The following PRKN variants were observed in gnomAD, a reference collection of about 807,000 sequenced individuals.
The protein encoded by PRKN is E3 ubiquitin-protein ligase parkin.
PRKN carries 56 observed loss-of-function variants against 59.5 expected under a neutral mutation model. The observed-to-expected ratio is 0.94, with a 90% CI of 0.76 to 1.18. The LOEUF is 1.18. Among genes scored for constraint, PRKN ranks in the 50% most tolerant of loss-of-function variants. The probability of loss-of-function intolerance (pLI) is 0.00; values close to 1 mark genes in which losing one functional copy is unlikely to be tolerated. For missense variants in PRKN, 657 were observed against 596.4 expected (o/e 1.10, Z -1.06); for synonymous variants, 250 against 222.1 (o/e 1.13, Z -1.12).
rs555704276 is a variant in PRKN, at chr6:161,715,545, G to A, written c.871+70227C>T. Among the ~76,000 whole-genome samples, 9 of 152,294 alleles carry A rather than the reference G, an allele frequency of 5.9e-5. No homozygotes were observed. The East Asian group carries it at 9.6e-4, about 16-fold the overall frequency. Reference sequence around the variant, plus strand: ...CATGATAGTTTTATGTTCATTTAAAGATGTGTCCTCCTAACAGCTTTTATA... The same window carrying A: ...CATGATAGTTTTATGTTCATTTAAAAATGTGTCCTCCTAACAGCTTTTATA... On this transcript the variant is annotated intron_variant, in intron 7 of 11. Coordinates refer to ENST00000366898, the MANE Select transcript of PRKN (RefSeq NM_004562.3).
Position 161,530,885 on chromosome 6 carries a change from T to TA in PRKN, c.1083+17968dup, listed in dbSNP as rs1232941405. 6.6e-6 allele frequency among the ~76,000 whole-genome samples: 1 copy of TA among 152,158 alleles called. No homozygotes were observed. Among genetic ancestry groups the TA allele is most frequent in the Non-Finnish European group, 1.5e-5 (1 of 68,020 alleles). The stretch of plus-strand genomic sequence containing the variant: ...CTACTTCAGAGAACAGACCAATTTT[T>TA]AGAGAGCTTCAACAATTTCTTTCTA... On this transcript the variant is annotated intron_variant, in intron 9 of 11. Transcript: ENST00000366898. This position sits in a 1 kb window ranked among gnomAD's most constrained non-coding sequence, Gnocchi z 5.0.
At chr6:161,829,467 G>T (rs997162214) in intron 6 of PRKN, among the ~76,000 whole-genome samples, 2 of 152,014 alleles carry the variant, frequency 1.3e-5, no homozygotes, top group African/African-American at 4.8e-5. Context: ...TGATCTTTAG[G>T]CTCTCTGTGC....
chr6:162,400,148 A>G (rs994742169), intron 2 of PRKN, among the ~76,000 whole-genome samples: 1 of 152,046 alleles, frequency 6.6e-6, no homozygotes, highest in Non-Finnish European at 1.5e-5. Flanking sequence ...TGGAAGTTGC[A>G]GTGACCTGAG....
At chr6:162,254,856 T>C (rs1414608309) in intron 3 of PRKN, among the ~76,000 whole-genome samples, 4 of 151,788 alleles carry the variant, frequency 2.6e-5, no homozygotes, top group Non-Finnish European at 5.9e-5. Flanking sequence ...CAAAAAAGAG[T>C]ACTACATTTC....
chr6:162,255,692 A>G (rs1188668790), intron 3 of PRKN, among the ~76,000 whole-genome samples: 1 of 152,182 alleles, frequency 6.6e-6, no homozygotes, highest in Admixed American at 6.5e-5. Flanking sequence ...GCCCACACTT[A>G]CTGCCAGTCG....
At chr6:162,214,656 TTC>T (rs1777560418) in intron 3 of PRKN, among the ~76,000 whole-genome samples, 1 of 152,118 alleles carries the variant, frequency 6.6e-6, no homozygotes, top group Non-Finnish European at 1.5e-5. Flanking sequence ...TGCAAATAAT[TTC>T]TGTCCAGTGA....
intron 2 of PRKN, among the ~76,000 whole-genome samples, chr6:162,390,207 T>C: frequency 6.6e-6 from 1 of 151,858 alleles, no homozygotes; most frequent in East Asian, 1.9e-4. Context: ...ATTCACTCTT[T>C]CGTTAACTGC....
rs540858086 is a variant in PRKN at position 161,959,698 on chromosome 6, C to G, written c.734+13604G>C. On this transcript the variant is annotated intron_variant, in intron 6 of 11. Coordinates refer to ENST00000366898, the MANE Select transcript of PRKN (RefSeq NM_004562.3). Reference sequence around the variant, plus strand: ...TAGATACTCCCAAATGAATAAATGCCTCGTTTCTAAAAATAACTATTTATG... The same window carrying G: ...TAGATACTCCCAAATGAATAAATGCGTCGTTTCTAAAAATAACTATTTATG... Among the ~76,000 whole-genome samples the G allele has an allele frequency of 7.1e-4, 108 of 152,124 alleles. No individual in the cohort carries two copies. In the South Asian group the frequency reaches 9.5e-3, roughly 13 times the overall value.
rs1287753080 is a variant in PRKN at position 161,419,467 on chromosome 6, A to G, written c.1084-32590T>C. On this transcript the variant is annotated intron_variant, in intron 9 of 11. Coordinates refer to ENST00000366898, the MANE Select transcript of PRKN (RefSeq NM_004562.3). This position sits in a 1 kb window ranked among gnomAD's most constrained non-coding sequence, Gnocchi z 4.1. ...CAGTGGTGCCATCTTGGCTCACTGC[A>G]ACCTCCACCTCCTGGGTTCAAGCAA... Among the ~76,000 whole-genome samples the G allele has an allele frequency of 2.0e-5, 3 of 151,722 alleles. No individual in the cohort carries two copies. The highest frequency in any genetic ancestry group is 7.3e-5 in the African/African-American group (3 of 41,234).
At chr6:162,517,094 T>C (rs1008351314) in intron 1 of PRKN, among the ~76,000 whole-genome samples, 1 of 151,976 alleles carries the variant, frequency 6.6e-6, no homozygotes, top group East Asian at 1.9e-4. Context: ...AGAATACAGA[T>C]ATCTTCCTGG....
intron 3 of PRKN, among the ~76,000 whole-genome samples, chr6:162,225,439 T>G (rs1480033903): frequency 1.3e-5 from 2 of 152,226 alleles, no homozygotes; most frequent in African/African-American, 4.8e-5. Context: ...TATTGTGGTC[T>G]ATTTTTAAAG....
intron 1 of PRKN, among the ~76,000 whole-genome samples, chr6:162,500,431 T>C (rs9346920): frequency 0.6 from 91,468 of 151,754 alleles, 29,073 homozygotes; most frequent in African/African-American, 0.83. Flanking sequence ...CTCAGACTCC[T>C]AAAGTGCTGG....
At chr6:161,505,801 G>T (rs1724272695) in intron 9 of PRKN, among the ~76,000 whole-genome samples, 2 of 122,044 alleles carry the variant, frequency 1.6e-5, no homozygotes, top group African/African-American at 6.6e-5. Flanking sequence ...CCCATTGCTT[G>T]TTTTTCTCAG....
chr6:162,215,623 T>A (rs906643737), intron 3 of PRKN, among the ~76,000 whole-genome samples: 1 of 152,236 alleles, frequency 6.6e-6, no homozygotes, highest in Non-Finnish European at 1.5e-5. Flanking sequence ...CGTGTCATCA[T>A]TAAGAAATGG....
chr6:162,658,491 G>A (rs879868057), intron 1 of PRKN, among the ~76,000 whole-genome samples: 2 of 151,732 alleles, frequency 1.3e-5, no homozygotes, highest in African/African-American at 2.4e-5. Flanking sequence ...GTGAAACCCC[G>A]TCTCTACAAA....
chr6:162,593,309 G>A (rs997488696), intron 1 of PRKN, among the ~76,000 whole-genome samples: 5 of 152,276 alleles, frequency 3.3e-5, no homozygotes, highest in Admixed American at 3.3e-4. Flanking sequence ...AATGACAGGT[G>A]AAATAAACTG....
At chr6:161,819,922 C>T (rs928483625) in intron 6 of PRKN, among the ~76,000 whole-genome samples, 4 of 152,020 alleles carry the variant, frequency 2.6e-5, no homozygotes, top group Non-Finnish European at 5.9e-5. Flanking sequence ...ATATCCAAAA[C>T]AGCATAAAAT....
rs1396501456 is a variant in PRKN, at chr6:162,241,132, ATTCTGTC to A, written c.412+21386_412+21392del. Among the ~76,000 whole-genome samples, 26 of 152,322 alleles carry A rather than the reference ATTCTGTC, an allele frequency of 1.7e-4. 1 individual carries two copies. The highest frequency in any genetic ancestry group is 6.0e-4 in the African/African-American group (25 of 41,592). On this transcript the variant is annotated intron_variant, in intron 3 of 11. Coordinates refer to ENST00000366898, the MANE Select transcript of PRKN (RefSeq NM_004562.3). ...TGACCCATTTTCCTCTTCTACTGCAATTCTGTCTAATGTCTTTTATGATGCCTTTACA... is the reference window on the plus strand; with the variant it reads ...TGACCCATTTTCCTCTTCTACTGCAATAATGTCTTTTATGATGCCTTTACA...
rs1213089160 is a variant in PRKN at position 162,397,409 on chromosome 6, T to G, written c.171+45901A>C. Among the ~76,000 whole-genome samples, 29 of 152,052 alleles carry G rather than the reference T, an allele frequency of 1.9e-4. 1 individual carries two copies. Among genetic ancestry groups the G allele is most frequent in the Admixed American group, 1.9e-3 (29 of 15,246 alleles). ...AATCTCTCTTTTTTTCTTACGCCAG[T>G]CTGGCTGGATTTCTGCTTCTTGTAA... On this transcript the variant is annotated intron_variant, in intron 2 of 11. Coordinates refer to ENST00000366898, the MANE Select transcript of PRKN (RefSeq NM_004562.3).
Sources: gnomAD v4.1 joint callset for allele counts (sites outside exome capture counted in the v4.1 genomes callset) on GRCh38, gnomAD v4.1.1 for gene constraint, Gnocchi (gnomAD v3.1) non-coding constraint, MANE v1.5 for transcripts, NCBI Gene and HGNC (gene_info 2026-07-23, HGNC 2026-07-21) for gene names.